Variants in SYCP1 observed in about 807,000 individuals in gnomAD.
The protein encoded by SYCP1 is synaptonemal complex protein 1.
A neutral mutation model predicts 153.1 loss-of-function variants in SYCP1; 64 were observed. The observed-to-expected ratio is 0.42, with a 90% CI of 0.34 to 0.51. The LOEUF (loss-of-function observed/expected upper bound fraction) is 0.51, where lower values mean the gene tolerates loss of function less well. Ranked by LOEUF, SYCP1 falls within the 20% of genes least tolerant of loss-of-function variation. SYCP1 has a pLI of 0.06. For synonymous variants in SYCP1, 384 were observed against 341.8 expected (o/e 1.12, Z -1.36); for missense variants, 997 against 1,049.0 (o/e 0.95, Z 0.68).
chr1:114,972,818 T>C (rs1043764225), intron 27 of SYCP1, among the ~76,000 whole-genome samples: 1 of 152,178 alleles, frequency 6.6e-6, no homozygotes, highest in African/African-American at 2.4e-5. Flanking sequence ...GGCTAGCATA[T>C]GGTCTGTCCT....
intron 27 of SYCP1, among the ~76,000 whole-genome samples, chr1:114,956,447 C>A (rs1486965691): frequency 6.6e-6 from 1 of 152,172 alleles, no homozygotes; most frequent in African/African-American, 2.4e-5. Flanking sequence ...ATTGTCTGTG[C>A]AGGGTTCTCC....
intron 27 of SYCP1, 44 bp from the exon 28 acceptor site, chr1:114,977,513 T>C: frequency 8.7e-7 from 1 of 1,149,040 alleles, no homozygotes; most frequent in Non-Finnish European, 1.2e-6. Flanking sequence ...TTTGTGATCA[T>C]TGTGATGTTT....
intron 8 of SYCP1, among the ~76,000 whole-genome samples, chr1:114,869,039 G>C (rs1358740254): frequency 1.3e-5 from 2 of 151,746 alleles, no homozygotes; most frequent in South Asian, 4.2e-4. Context: ...CCACTTTCAT[G>C]GTTTTTACTC....
chr1:114,922,373 G>A (rs1557802563), intron 20 of SYCP1, among the ~76,000 whole-genome samples: 1 of 152,088 alleles, frequency 6.6e-6, no homozygotes, highest in Non-Finnish European at 1.5e-5. Flanking sequence ...AAAGAAAAGA[G>A]GTTAATTGGT....
At chr1:114,888,464 C>T (rs1221230193) in intron 15 of SYCP1, among the ~76,000 whole-genome samples, 1 of 151,580 alleles carries the variant, frequency 6.6e-6, no homozygotes, top group African/African-American at 2.4e-5. Flanking sequence ...TTACATTTCA[C>T]AAGTAGTTAG....
intron 27 of SYCP1, among the ~76,000 whole-genome samples, chr1:114,959,384 T>G (rs970174737): frequency 2.6e-5 from 4 of 152,188 alleles, no homozygotes; most frequent in African/African-American, 4.8e-5. Flanking sequence ...GAGTTGAGAA[T>G]TTTTTGCATC....
chr1:114,926,662 A>G (rs1669274185), intron 23 of SYCP1, 99 bp downstream of exon 23: 1 of 1,005,586 alleles, frequency 9.9e-7, no homozygotes, highest in Non-Finnish European at 1.4e-6. Flanking sequence ...TTCAATTTAT[A>G]CCATAACAGT....
intron 5 of SYCP1, among the ~76,000 whole-genome samples, 171 bp downstream of exon 5, chr1:114,857,668 C>T (rs897836176): frequency 6.6e-6 from 1 of 151,774 alleles, no homozygotes; most frequent in Non-Finnish European, 1.5e-5. Context: ...ATGAAAGTTC[C>T]ATTTATGTAG....
At chr1:114,961,633 A>G (rs1671785815) in intron 27 of SYCP1, among the ~76,000 whole-genome samples, 1 of 152,160 alleles carries the variant, frequency 6.6e-6, no homozygotes, top group Admixed American at 6.5e-5. Context: ...TTTAATTTTC[A>G]CGTATTTGCC....
At chr1:114,961,016 A>G (rs1671750672) in intron 27 of SYCP1, among the ~76,000 whole-genome samples, 1 of 152,086 alleles carries the variant, frequency 6.6e-6, no homozygotes. Context: ...AAAAATTACC[A>G]TTTCAGTCTT....
intron 23 of SYCP1, among the ~76,000 whole-genome samples, chr1:114,939,495 T>A (rs1394462461): frequency 6.6e-6 from 1 of 152,150 alleles, no homozygotes; most frequent in African/African-American, 2.4e-5. Flanking sequence ...CACAGGAACA[T>A]GGATGAATCT....
At position 114,994,996 on chromosome 1, in the gene SYCP1, G is replaced by A. The variant is rs775529599; in HGVS notation, c.2908G>A (p.Glu970Lys). The change falls in exon 32 of 32, where the codon GAA becomes AAA. Residue 970 changes from glutamate to lysine, a missense_variant. Coordinates refer to ENST00000369522, the MANE Select transcript of SYCP1 (RefSeq NM_003176.4). ...AATGGATAGAAAAAAAAAACTAAAA[G>A]AAGCTGAAAAGTTATTTGTTTAATT... ...AKMDRKKKLK[E>K]AEKLFV The A allele has an allele frequency of 1.3e-6, 2 of 1,599,996 alleles. No individual in the cohort carries two copies. Among genetic ancestry groups the A allele is most frequent in the Non-Finnish European group, 1.7e-6 (2 of 1,174,196 alleles).
At chr1:114,863,625 T>TCTAA in intron 8 of SYCP1, among the ~76,000 whole-genome samples, 1 of 152,332 alleles carries the variant, frequency 6.6e-6, no homozygotes, top group South Asian at 2.1e-4. Context: ...TAATTGCCAT[T>TCTAA]CTAACTGGCG....
At chr1:114,933,373 T>C (rs1166191699) in intron 23 of SYCP1, among the ~76,000 whole-genome samples, 2 of 151,298 alleles carry the variant, frequency 1.3e-5, no homozygotes, top group Admixed American at 6.6e-5. Flanking sequence ...AGAAACAACA[T>C]CCACACCAAA....
intron 21 of SYCP1, among the ~76,000 whole-genome samples, chr1:114,925,744 A>G (rs1265435675): frequency 6.6e-6 from 1 of 152,184 alleles, no homozygotes; most frequent in Non-Finnish European, 1.5e-5. Flanking sequence ...TTTATGTACA[A>G]GACAATTTAA....
At chr1:114,966,972 A>G (rs1031673444) in intron 27 of SYCP1, among the ~76,000 whole-genome samples, 1 of 152,068 alleles carries the variant, frequency 6.6e-6, no homozygotes, top group African/African-American at 2.4e-5. Flanking sequence ...GGCGTGAGCC[A>G]CTGCACTCGG....
chr1:114,858,909 C>G (rs575642483), intron 6 of SYCP1, among the ~76,000 whole-genome samples, 198 bp downstream of exon 6: 2 of 152,002 alleles, frequency 1.3e-5, no homozygotes, highest in Non-Finnish European at 2.9e-5. Context: ...AGTTGTATAA[C>G]GCTTAATGCA....
At chr1:114,917,366 T>A (rs549807361) in intron 20 of SYCP1, among the ~76,000 whole-genome samples, 1 of 152,168 alleles carries the variant, frequency 6.6e-6, no homozygotes, top group Non-Finnish European at 1.5e-5. Context: ...TGTATATGCA[T>A]CACATTTTTG....
rs550947901 is a variant in SYCP1 at position 114,946,256 on chromosome 1, A to G, written c.2155-33A>G. 3.8e-4 allele frequency: 469 copies of G among 1,225,064 alleles called. 6 individuals carry two copies. In the South Asian group the frequency reaches 5.9e-3, roughly 16 times the overall value. 75.9% of individuals were successfully genotyped at this position (1,225,064 alleles called of 1,614,324 possible). On this transcript the variant is annotated intron_variant, in intron 25 of 31. Transcript: ENST00000369522. ...CAATCTTATAATCTATTCAGTTTTAATATATCTAAAATGTCTTCTTTGTTT... is the reference window on the plus strand; with the variant it reads ...CAATCTTATAATCTATTCAGTTTTAGTATATCTAAAATGTCTTCTTTGTTT...
Sources: allele counts gnomAD v4.1 joint callset (sites outside exome capture counted in the v4.1 genomes callset), GRCh38; gene constraint gnomAD v4.1.1; transcripts MANE v1.5; gene names NCBI Gene and HGNC (gene_info 2026-07-23, HGNC 2026-07-21).